The following CSNK1G3 variants were observed in gnomAD, a reference collection of about 807,000 sequenced individuals.
The protein encoded by CSNK1G3 is casein kinase 1 gamma 3.
Under a neutral mutation model 64.3 loss-of-function variants are expected in CSNK1G3, and 23 were observed. The observed-to-expected ratio is 0.36, with a 90% CI of 0.26 to 0.51. The LOEUF (loss-of-function observed/expected upper bound fraction) is 0.51. CSNK1G3 is among the 20% of genes least tolerant of loss of function. The pLI is 0.96. For missense variants in CSNK1G3, 357 were observed against 510.5 expected (o/e 0.70, Z 2.90); for synonymous variants, 158 against 162.2 (o/e 0.97, Z 0.20).
intron 12 of CSNK1G3, among the ~76,000 whole-genome samples, chr5:123,608,954 C>T (rs768312516): frequency 2.0e-5 from 3 of 151,984 alleles, no homozygotes; most frequent in African/African-American, 4.8e-5. Context: ...TTGGGAAGAT[C>T]GGAGAAGTCC....
chr5:123,516,697 A>G (rs1777222684), intron 1 of CSNK1G3, among the ~76,000 whole-genome samples: 1 of 152,188 alleles, frequency 6.6e-6, no homozygotes. Flanking sequence ...ACATAGTTGT[A>G]ATTTATTGAA....
chr5:123,574,138 C>T (rs900564596), intron 5 of CSNK1G3, among the ~76,000 whole-genome samples: 2 of 152,078 alleles, frequency 1.3e-5, no homozygotes, highest in African/African-American at 2.4e-5. Context: ...CGTGAGCCAC[C>T]GTGCCGGGCC....
rs1791669335 is a variant in CSNK1G3, at chr5:123,588,165, T to C, written c.759+12T>C. ...GGCAAGGCTTAAAGGTAATTGTTTT[T>C]GTGTTTCTTTATTGAATTTCATAAA... On this transcript the variant is annotated intron_variant, in intron 7 of 12. Coordinates refer to ENST00000345990, the Ensembl canonical transcript of CSNK1G3. The C allele has an allele frequency of 1.3e-6, 2 of 1,551,294 alleles. No individual in the cohort carries two copies. The highest frequency in any genetic ancestry group is 1.7e-5 in the Admixed American group (1 of 59,144).
Position 123,605,365 on chromosome 5 carries a change from G to A in CSNK1G3, c.1217+3G>A. The stretch of plus-strand genomic sequence containing the variant: ...TGCCAGAAAGTGTTGAACATGTGGT[G>A]AGTCTCAAGTGTAGGCAGGCAGAAA... On this transcript the variant is annotated splice_donor_region_variant and intron_variant, in intron 12 of 12. Coordinates refer to ENST00000345990, the Ensembl canonical transcript of CSNK1G3. The A allele has an allele frequency of 6.2e-7, 1 of 1,610,274 alleles. No homozygotes were observed. The highest frequency in any genetic ancestry group is 1.3e-5 in the African/African-American group (1 of 74,702).
chr5:123,575,149 T>C (rs1419267077), intron 5 of CSNK1G3, among the ~76,000 whole-genome samples: 1 of 152,184 alleles, frequency 6.6e-6, no homozygotes, highest in Non-Finnish European at 1.5e-5. Flanking sequence ...AATATTAGAG[T>C]TGGATTTCAG....
intron 6 of CSNK1G3, among the ~76,000 whole-genome samples, chr5:123,587,779 C>G (rs974138370): frequency 1.3e-5 from 2 of 152,168 alleles, no homozygotes; most frequent in African/African-American, 2.4e-5. Flanking sequence ...CCATGGAACT[C>G]TTTTCCCCGT....
rs372807739 is a variant in CSNK1G3 at position 123,572,157 on chromosome 5, T to C, written c.290-1236T>C. ...TCCAGGTTGTGGTTTTTGCAGTCTT[T>C]TGTGGTAGTTCTTCTTATCAGGCAT... On this transcript the variant is annotated intron_variant, in intron 4 of 12. Coordinates refer to ENST00000345990, the Ensembl canonical transcript of CSNK1G3. Among the ~76,000 whole-genome samples, 77 of 152,202 alleles carry C rather than the reference T, an allele frequency of 5.1e-4. 1 individual carries two copies. In the South Asian group the frequency reaches 0.015, roughly 30 times the overall value.
At chr5:123,571,306 A>C (rs1788056896) in intron 4 of CSNK1G3, among the ~76,000 whole-genome samples, 1 of 151,802 alleles carries the variant, frequency 6.6e-6, no homozygotes. Flanking sequence ...TTTTTTGAGA[A>C]GGAGTCTTGC....
chr5:123,596,089 C>T (rs1018266043), intron 10 of CSNK1G3, among the ~76,000 whole-genome samples: 1 of 151,652 alleles, frequency 6.6e-6, no homozygotes, highest in Non-Finnish European at 1.5e-5. Flanking sequence ...GCTATTCTTT[C>T]TTGATTTGAG....
chr5:123,519,279 C>G (rs1777690360), intron 1 of CSNK1G3, among the ~76,000 whole-genome samples: 1 of 152,154 alleles, frequency 6.6e-6, no homozygotes, highest in African/African-American at 2.4e-5. Flanking sequence ...GTCTTGAACT[C>G]CTGACCTCAG....
chr5:123,558,799 G>A (rs1201229989), intron 4 of CSNK1G3, among the ~76,000 whole-genome samples: 1 of 152,072 alleles, frequency 6.6e-6, no homozygotes, highest in African/African-American at 2.4e-5. Flanking sequence ...ATACATATTA[G>A]TTATTATACT....
chr5:123,583,643 C>A (rs1205081844), intron 6 of CSNK1G3, among the ~76,000 whole-genome samples: 1 of 151,968 alleles, frequency 6.6e-6, no homozygotes, highest in African/African-American at 2.4e-5. Flanking sequence ...GGATTACAGG[C>A]GTGAGCCACC....
At chr5:123,525,637 A>C (rs1481783065) in intron 1 of CSNK1G3, among the ~76,000 whole-genome samples, 2 of 152,058 alleles carry the variant, frequency 1.3e-5, no homozygotes, top group Admixed American at 6.5e-5. Flanking sequence ...CAAACACACA[A>C]AGTGTTTCCA....
chr5:123,583,523 G>A (rs1190809600), intron 6 of CSNK1G3, among the ~76,000 whole-genome samples: 1 of 152,112 alleles, frequency 6.6e-6, no homozygotes, highest in Non-Finnish European at 1.5e-5. Context: ...ACCATGCCCA[G>A]CTAATTTTTT....
chr5:123,548,740 TA>T lies in CSNK1G3; in HGVS notation c.178+2912del, dbSNP rs574709184. ...GGACAATATAGTGAGATCCTGTCTG[TA>T]AAAAAAAAAAAATGATAATAAGGAA... is the stretch of plus-strand genomic sequence containing the variant. On this transcript the variant is annotated intron_variant, in intron 2 of 12. Transcript: ENST00000345990. 2.8e-3 allele frequency among the ~76,000 whole-genome samples: 405 copies of T among 142,458 alleles called. 1 individual carries two copies. The highest frequency in any genetic ancestry group is 0.012 in the East Asian group (61 of 4,950). The allele number at this position is 142,458 out of a possible 152,430, so 93.5% of individuals were successfully genotyped here.
At chr5:123,591,573 TA>T (rs1165265022) in intron 10 of CSNK1G3, among the ~76,000 whole-genome samples, 159 bp downstream of exon 10, 6 of 151,938 alleles carry the variant, frequency 3.9e-5, no homozygotes, top group Non-Finnish European at 7.4e-5. Flanking sequence ...ATAATAGCAT[TA>T]AAATGTTTAA....
chr5:123,565,220 A>G (rs1360004821), intron 4 of CSNK1G3, among the ~76,000 whole-genome samples: 1 of 152,172 alleles, frequency 6.6e-6, no homozygotes, highest in Non-Finnish European at 1.5e-5. Context: ...ATACATTGTG[A>G]TAACACAAGT....
At chr5:123,597,342 G>C (rs1021239996) in intron 10 of CSNK1G3, among the ~76,000 whole-genome samples, 5 of 152,044 alleles carry the variant, frequency 3.3e-5, no homozygotes, top group African/African-American at 1.2e-4. Context: ...TCATCAAATA[G>C]TTTTTTTAGG....
chr5:123,596,957 T>A (rs1793553608), intron 10 of CSNK1G3, among the ~76,000 whole-genome samples: 1 of 152,132 alleles, frequency 6.6e-6, no homozygotes, highest in Non-Finnish European at 1.5e-5. Context: ...TTCAAAATTA[T>A]TTGAAAATTT....
Sources: allele counts gnomAD v4.1 joint callset (sites outside exome capture counted in the v4.1 genomes callset), GRCh38; gene constraint gnomAD v4.1.1; transcripts MANE v1.5; gene names NCBI Gene and HGNC (gene_info 2026-07-23, HGNC 2026-07-21).